The following POU2F1 variants were observed in gnomAD, a reference collection of about 807,000 sequenced individuals.
The protein encoded by POU2F1 is POU domain, class 2, transcription factor 1.
A neutral mutation model predicts 84.9 loss-of-function variants in POU2F1; 16 were observed. The observed-to-expected ratio is 0.19, with a 90% CI of 0.13 to 0.29. POU2F1 has a LOEUF of 0.29. POU2F1 is among the 10% of genes least tolerant of loss of function. POU2F1 has a pLI of 1.00. For missense variants in POU2F1, 738 were observed against 942.6 expected, an observed-to-expected ratio of 0.78 and a Z score of 2.84; for synonymous variants, 368 against 368.3, an observed-to-expected ratio of 1.00 and a Z score of 0.01.
chr1:167,241,024 C>T (rs1405006949), intron 1 of POU2F1, among the ~76,000 whole-genome samples: 1 of 152,078 alleles, frequency 6.6e-6, no homozygotes, highest in Non-Finnish European at 1.5e-5. Flanking sequence ...TGCCTGTAAT[C>T]CCAGCTACTC....
At chr1:167,282,512 A>G (rs1653229746) in intron 1 of POU2F1, among the ~76,000 whole-genome samples, 1 of 152,190 alleles carries the variant, frequency 6.6e-6, no homozygotes, top group Admixed American at 6.5e-5. Context: ...TTTAAGGACT[A>G]ACTTTAAGAA....
chr1:167,260,547 A>G (rs976427813), intron 1 of POU2F1, among the ~76,000 whole-genome samples: 4 of 152,130 alleles, frequency 2.6e-5, no homozygotes, highest in African/African-American at 7.2e-5. Context: ...GTATGAGATG[A>G]GGATCTAATT....
In POU2F1 at chr1:167,415,939, G is replaced by GAC; in HGVS notation, c.*130_*131insCA. ...TGTTGTGAGGGCAAAGGAGAGAAGG[G>GAC]AGAAAAAAAAAAAAAAACCACACAC... On this transcript the variant is annotated 3_prime_UTR_variant, in exon 16 of 16. Coordinates refer to ENST00000367866, the MANE Select transcript of POU2F1 (RefSeq NM_002697.4). 25 of 400,514 alleles carry GAC rather than the reference G, an allele frequency of 6.2e-5. No individual in the cohort carries two copies. The highest frequency in any genetic ancestry group is 3.4e-4 in the Middle Eastern group (1 of 2,938). The allele number at this position is 400,514 out of a possible 1,614,324, so 24.8% of individuals were successfully genotyped here. A position where few individuals can be genotyped will look rare whatever the true frequency, so the allele number is the denominator to read the frequency against.
At chr1:167,259,879 C>T (rs1266284349) in intron 1 of POU2F1, among the ~76,000 whole-genome samples, 3 of 151,262 alleles carry the variant, frequency 2.0e-5, no homozygotes, top group Non-Finnish European at 4.4e-5. Context: ...TTGATCATTG[C>T]GTTTCTTTTT....
chr1:167,322,962 A>G lies in POU2F1; in HGVS notation c.62-9508A>G, dbSNP rs61806112. Among the ~76,000 whole-genome samples the G allele has an allele frequency of 3.0e-3, 450 of 152,300 alleles. 2 individuals are homozygous for G. Among genetic ancestry groups the G allele is most frequent in the Non-Finnish European group, 4.8e-3 (327 of 68,020 alleles). Reference sequence around the variant, plus strand: ...TCCTTGCCGTCATTCCGGTAAACCAACAACCTTCAGCATGGGCGTCGTAGC... The same window carrying G: ...TCCTTGCCGTCATTCCGGTAAACCAGCAACCTTCAGCATGGGCGTCGTAGC... On this transcript the variant is annotated intron_variant, in intron 1 of 15. Transcript: ENST00000367866.
At chr1:167,409,279 A>G (rs1649796756) in intron 13 of POU2F1, among the ~76,000 whole-genome samples, 1 of 152,148 alleles carries the variant, frequency 6.6e-6, no homozygotes. Context: ...GTATCTCAAT[A>G]AAAGCTGTTT....
intron 1 of POU2F1, among the ~76,000 whole-genome samples, chr1:167,290,525 T>A (rs1261015053): frequency 6.6e-6 from 1 of 152,246 alleles, no homozygotes; most frequent in Non-Finnish European, 1.5e-5. Flanking sequence ...TCTATATGTC[T>A]GTCCTAACTT....
chr1:167,309,108 TTTTTTTTTTCTTTGAGAATCCCTG>T lies in POU2F1; in HGVS notation c.62-23357_62-23334del, dbSNP rs1169672326. On this transcript the variant is annotated intron_variant, in intron 1 of 15. Transcript: ENST00000367866. Reference sequence around the variant, plus strand: ...TTAAAGTGCTTCCACTAGTGGTTTTTTTTTTTTTTCTTTGAGAATCCCTGTTTTATTAATAGTAGAAAGTAGCAT... The same window carrying T: ...TTAAAGTGCTTCCACTAGTGGTTTTTTTTTATTAATAGTAGAAAGTAGCAT... Among the ~76,000 whole-genome samples, 30 of 152,010 alleles carry T rather than the reference TTTTTTTTTTCTTTGAGAATCCCTG, an allele frequency of 2.0e-4. No individual in the cohort carries two copies. In the East Asian group the frequency reaches 4.0e-3, roughly 21 times the overall value.
intron 1 of POU2F1, among the ~76,000 whole-genome samples, chr1:167,262,608 T>C (rs755318984): frequency 1.3e-5 from 2 of 152,166 alleles, no homozygotes; most frequent in Admixed American, 6.5e-5. Context: ...TATAATTTAA[T>C]TGAGGAGATC....
intron 1 of POU2F1, among the ~76,000 whole-genome samples, chr1:167,232,551 A>G (rs981017534): frequency 1.3e-5 from 2 of 152,248 alleles, no homozygotes; most frequent in Non-Finnish European, 2.9e-5. Flanking sequence ...AAGCTTATAA[A>G]GTTACAGTAG....
chr1:167,362,451 A>G (rs1324978835), intron 2 of POU2F1, among the ~76,000 whole-genome samples: 5 of 152,234 alleles, frequency 3.3e-5, no homozygotes, highest in Admixed American at 2.0e-4. Context: ...ATGCAGGGTC[A>G]CATGGGGAAG....
chr1:167,339,366 G>T (rs1657685533), intron 2 of POU2F1, among the ~76,000 whole-genome samples: 1 of 152,144 alleles, frequency 6.6e-6, no homozygotes, highest in South Asian at 2.1e-4. Context: ...ATGGGCTGTT[G>T]TTCTGCTTTC....
intron 1 of POU2F1, among the ~76,000 whole-genome samples, chr1:167,315,216 A>C (rs1038274144): frequency 2.0e-5 from 3 of 152,196 alleles, no homozygotes; most frequent in Admixed American, 2.0e-4. Context: ...TAATACATAC[A>C]TATGCCCTAT....
At chr1:167,392,518 G>A (rs1396747825) in intron 9 of POU2F1, among the ~76,000 whole-genome samples, 1 of 152,210 alleles carries the variant, frequency 6.6e-6, no homozygotes, top group African/African-American at 2.4e-5. Flanking sequence ...TGTTGCGTAA[G>A]TGATATGCCA....
At chr1:167,317,123 C>T (rs527459126) in intron 1 of POU2F1, among the ~76,000 whole-genome samples, 37 of 152,258 alleles carry the variant, frequency 2.4e-4, no homozygotes, top group African/African-American at 7.9e-4. Context: ...GAACTACTGA[C>T]CTCAGGTGAT....
At position 167,396,462 on chromosome 1, in the gene POU2F1, A is replaced by G. The variant is rs747044969; in HGVS notation, c.1129+35A>G. 9.4e-6 allele frequency: 15 copies of G among 1,591,590 alleles called. No homozygotes were observed. In the Admixed American group the frequency reaches 2.6e-4, roughly 27 times the overall value. ...TGTATAAGACATTTCTTTGTCATTC[A>G]TTGGAATTTTACATGGGGATTGTTA... On this transcript the variant is annotated intron_variant, in intron 10 of 15. Transcript: ENST00000367866.
At chr1:167,239,714 G>T (rs945349295) in intron 1 of POU2F1, among the ~76,000 whole-genome samples, 1 of 152,146 alleles carries the variant, frequency 6.6e-6, no homozygotes, top group Non-Finnish European at 1.5e-5. Context: ...GAGTTTAGGT[G>T]CTTGGAATGA....
Position 167,392,107 on chromosome 1 carries a change from T to C in POU2F1, c.987+2346T>C, listed in dbSNP as rs909336750. ...GCTCACACCTGTAATCCCAGCACTT[T>C]GGGAGGCCGAGGCAGGTGGATCACC... On this transcript the variant is annotated intron_variant, in intron 9 of 15. Coordinates refer to ENST00000367866, the MANE Select transcript of POU2F1 (RefSeq NM_002697.4). Among the ~76,000 whole-genome samples, 8 of 152,194 alleles carry C rather than the reference T, an allele frequency of 5.3e-5. No individual in the cohort carries two copies. The East Asian group carries it at 1.4e-3, about 26-fold the overall frequency.
intron 9 of POU2F1, among the ~76,000 whole-genome samples, chr1:167,392,968 A>G (rs1648533532): frequency 6.6e-6 from 1 of 152,248 alleles, no homozygotes. Context: ...AAATATACAC[A>G]TTATTAGATG....
Sources: allele counts gnomAD v4.1 joint callset (sites outside exome capture counted in the v4.1 genomes callset), GRCh38; gene constraint gnomAD v4.1.1; transcripts MANE v1.5; gene names NCBI Gene and HGNC (gene_info 2026-07-23, HGNC 2026-07-21).